The following SSH1 variants were observed in gnomAD, a reference collection of about 807,000 sequenced individuals.
SSH1 encodes slingshot protein phosphatase 1.
SSH1 carries 43 observed loss-of-function variants against 79.7 expected under a neutral mutation model. The ratio of observed to expected loss-of-function variants is 0.54; its 90% CI spans 0.42 to 0.70. SSH1 has a LOEUF of 0.70. Among genes scored for constraint, SSH1 ranks in the 30% least tolerant of loss-of-function variants. SSH1 has a pLI of 0.00. For synonymous variants in SSH1, 599 were observed against 538.3 expected, an observed-to-expected ratio of 1.11 and a Z score of -1.56; for missense variants, 1,206 against 1,358.8, an observed-to-expected ratio of 0.89 and a Z score of 1.77.
intron 2 of SSH1, among the ~76,000 whole-genome samples, chr12:108,846,990 G>C (rs899574739): frequency 2.0e-5 from 3 of 152,060 alleles, no homozygotes; most frequent in Admixed American, 1.3e-4. Context: ...TCGACCTCCT[G>C]GGTTCAAGTG....
rs140909191 is a variant in SSH1 at position 108,836,474 on chromosome 12, G to T, written c.111-13113C>A. 6.0e-3 allele frequency among the ~76,000 whole-genome samples: 916 copies of T among 152,302 alleles called. 6 individuals are homozygous for T. Among genetic ancestry groups the T allele is most frequent in the Non-Finnish European group, 9.3e-3 (632 of 68,040 alleles). ...GAAAGCAAGAAAGCACTTAAAGAAT[G>T]ATGTGGACATGTCAAAGGGACACAG... On this transcript the variant is annotated intron_variant, in intron 2 of 14. Coordinates refer to ENST00000326495, the MANE Select transcript of SSH1 (RefSeq NM_018984.4).
At position 108,806,316 on chromosome 12, in the gene SSH1, A is replaced by G. The variant is rs767181802; in HGVS notation, c.810T>C (p.Asn270=). 1.2e-6 allele frequency: 2 copies of G among 1,614,048 alleles called. No homozygotes were observed. Among genetic ancestry groups the G allele is most frequent in the Non-Finnish European group, 1.7e-6 (2 of 1,180,010 alleles). Residue 270 remains asparagine (N), a synonymous_variant, in exon 9 of 15, where the codon AAT becomes AAC. Coordinates refer to ENST00000326495, the MANE Select transcript of SSH1 (RefSeq NM_018984.4). ...GTTGTCTTACCTCTTTGGAAGTCAC[A>G]TTTTCTAGATCCTGGCTCATCATGA... ...RSIMMSQDLE[N]VTSKEIRNEL... is the part of the protein sequence containing the mutation.
rs1446794870 is a variant in SSH1 at position 108,792,695 on chromosome 12, A to G, written c.1484T>C (p.Leu495Ser). The G allele has an allele frequency of 2.4e-5, 38 of 1,613,042 alleles. No homozygotes were observed. The highest frequency in any genetic ancestry group is 3.2e-5 in the Non-Finnish European group (38 of 1,179,940). ...TAAGCCGGGCTGGGCGGCATCATCC[A>G]AGAAGGGCAGCTGGCTTTCCGGGGT... ...DGTPESQLPF[L>S]DDAAQPGLGP... is the part of the protein sequence containing the mutation. Residue 495 changes from leucine to serine, a missense_variant, in exon 14 of 15, where the codon TTG (leucine) becomes TCG (serine). Transcript: ENST00000326495.
At chr12:108,821,832 C>T (rs1051394199) in intron 3 of SSH1, among the ~76,000 whole-genome samples, 1 of 152,140 alleles carries the variant, frequency 6.6e-6, no homozygotes, top group Admixed American at 6.5e-5. Flanking sequence ...GAATTCTAAC[C>T]TGAGCACTCA....
At chr12:108,801,714 T>C (rs1410060017) in intron 11 of SSH1, among the ~76,000 whole-genome samples, 8 of 147,960 alleles carry the variant, frequency 5.4e-5, no homozygotes, top group Non-Finnish European at 1.2e-4. Context: ...CACAGAACGG[T>C]GATTTTGTGG....
chr12:108,788,146 G>C lies in SSH1; in HGVS notation c.2992C>G (p.Pro998Ala), dbSNP rs760117243. ...TCCTGGGAGTCAGCGACGGTGGACG[G>C]GTCAGCCTCACTGGACAGGTCTTCC... ...STEDLSSEAD[P>A]STVADSQDTT... Residue 998 changes from proline (P) to alanine (A), a missense_variant, in exon 15 of 15, where the codon CCG (proline) becomes GCG (alanine). By Grantham distance (27) the Pro-to-Ala change is conservative. This residue lies in a region of SSH1 where 709 missense variants were observed against 730.6 expected (regional missense o/e 0.97). Transcript: ENST00000326495. The C allele has an allele frequency of 5.0e-6, 8 of 1,614,000 alleles. No individual in the cohort carries two copies. Among genetic ancestry groups the C allele is most frequent in the Non-Finnish European group, 6.8e-6 (8 of 1,180,012 alleles).
At position 108,795,022 on chromosome 12, in the gene SSH1, T is replaced by G. The variant is rs550552027; in HGVS notation, c.1350-2193A>C. On this transcript the variant is annotated intron_variant, in intron 13 of 14. Transcript: ENST00000326495. ...AAGGCATACATGACTCTCTTCCCCC[T>G]ACCCCGCTTCACATGAAAATTGTGC... Among the ~76,000 whole-genome samples the G allele has an allele frequency of 1.8e-4, 27 of 152,312 alleles. No individual in the cohort carries two copies. The East Asian group carries it at 5.0e-3, about 28-fold the overall frequency.
rs1210131324 is a variant in SSH1 at position 108,807,508 on chromosome 12, T to C, written c.731+125A>G. 3 of 842,538 alleles carry C rather than the reference T, an allele frequency of 3.6e-6. No homozygotes were observed. In the African/African-American group the frequency reaches 5.0e-5, roughly 14 times the overall value. The allele number at this position is 842,538 out of a possible 1,614,324, so 52.2% of individuals were successfully genotyped here. A position where few individuals can be genotyped will look rare whatever the true frequency, so the allele number is the denominator to read the frequency against. On this transcript the variant is annotated intron_variant, in intron 8 of 14. Coordinates refer to ENST00000326495, the MANE Select transcript of SSH1 (RefSeq NM_018984.4). The surrounding 1 kb of genome is among the most constrained non-coding windows in gnomAD (Gnocchi z 5.2). ...ACGCTGGTTCTGAGAAAGCTAGGGT[T>C]CTCACTCAAGGGACTCCAGGGGAGG...
chr12:108,853,359 A>G, intron 1 of SSH1: 1 of 985,030 alleles, frequency 1.0e-6, no homozygotes, highest in Non-Finnish European at 1.2e-6. Flanking sequence ...TTTCTTTCAG[A>G]GAGCAAACTG....
intron 14 of SSH1, among the ~76,000 whole-genome samples, chr12:108,791,494 CAAGCGTGGTGACTCA>C (rs2036498225): frequency 6.6e-6 from 1 of 152,130 alleles, no homozygotes; most frequent in Admixed American, 6.6e-5. Flanking sequence ...TATCTGAGGC[CAAGCGTGGTGACTCA>C]AACCTGTAAT....
chr12:108,800,287 C>T lies in SSH1; in HGVS notation c.1148+493G>A, dbSNP rs185954187. Among the ~76,000 whole-genome samples, 114 of 152,270 alleles carry T rather than the reference C, an allele frequency of 7.5e-4. 1 individual carries two copies. Among genetic ancestry groups the T allele is most frequent in the African/African-American group, 2.6e-3 (110 of 41,564 alleles). On this transcript the variant is annotated intron_variant, in intron 12 of 14. Coordinates refer to ENST00000326495, the MANE Select transcript of SSH1 (RefSeq NM_018984.4). The stretch of plus-strand genomic sequence containing the variant: ...CAGTGGGGCTGGCCATGACCTCCAA[C>T]GTGCTGTCCTGTTTCATGCGACAGT...
intron 2 of SSH1, among the ~76,000 whole-genome samples, chr12:108,838,225 C>T (rs1233286854): frequency 6.6e-6 from 1 of 152,110 alleles, no homozygotes; most frequent in East Asian, 1.9e-4. Context: ...ATGACTTTGC[C>T]CTTTCATCTC....
At chr12:108,856,126 C>T (rs1403115477) in intron 1 of SSH1, among the ~76,000 whole-genome samples, 2 of 152,268 alleles carry the variant, frequency 1.3e-5, no homozygotes, top group Non-Finnish European at 2.9e-5. Flanking sequence ...CGCAGGGCCG[C>T]TCCTCCAGTC....
At chr12:108,826,321 C>G (rs1400908343) in intron 2 of SSH1, 1 of 354,362 alleles carries the variant, frequency 2.8e-6, no homozygotes, top group Non-Finnish European at 5.5e-6. Context: ...TCCTGCTCTA[C>G]GCATGAAGTC....
Position 108,792,660 on chromosome 12 carries a change from G to A in SSH1, c.1519C>T (p.Leu507Phe), listed in dbSNP as rs144450121. ...GAGAGTCGCCGGAAACAGCAGGGGA[G>A]GGGGGGCCCTAAGCCGGGCTGGGCG... ...DAAQPGLGPP[L>F]PCCFRRLSDP... Residue 507 changes from leucine (L) to phenylalanine (F), a missense_variant, in exon 14 of 15, where the codon CTC becomes TTC. Transcript: ENST00000326495. 6 of 1,611,326 alleles carry A rather than the reference G, an allele frequency of 3.7e-6. No homozygotes were observed. Among genetic ancestry groups the A allele is most frequent in the East Asian group, 2.2e-5 (1 of 44,886 alleles).
intron 13 of SSH1, among the ~76,000 whole-genome samples, chr12:108,794,656 A>G (rs1299142508): frequency 6.6e-6 from 1 of 152,236 alleles, no homozygotes; most frequent in African/African-American, 2.4e-5. Flanking sequence ...GCCAAAGGGA[A>G]AAGTCAAGCC....
At position 108,849,615 on chromosome 12, in the gene SSH1, C is replaced by T. The variant is rs541797776; in HGVS notation, c.110+3023G>A. Among the ~76,000 whole-genome samples the T allele has an allele frequency of 4.6e-5, 7 of 151,860 alleles. No individual in the cohort carries two copies. In the East Asian group the frequency reaches 1.4e-3, roughly 30 times the overall value. ...GTTAAATACTAATGAGAAAGGTCCACATACAAATTTTCATGTCACTGCTAT... is the reference window on the plus strand; with the variant it reads ...GTTAAATACTAATGAGAAAGGTCCATATACAAATTTTCATGTCACTGCTAT... On this transcript the variant is annotated intron_variant, in intron 2 of 14. Transcript: ENST00000326495.
chr12:108,809,868 C>CT (rs2037487956), intron 6 of SSH1, 110 bp from the exon 7 acceptor site: 2 of 887,968 alleles, frequency 2.3e-6, no homozygotes, highest in Admixed American at 1.8e-5. Context: ...GGAACAAGCA[C>CT]ATCTCAGGCC....
At position 108,782,016 on chromosome 12, in the gene SSH1, G is replaced by A. The variant is rs1005647015; in HGVS notation, c.*5972C>T. 1 of 151,890 alleles carries A rather than the reference G, an allele frequency of 6.6e-6. No individual in the cohort carries two copies. Among genetic ancestry groups the A allele is most frequent in the African/African-American group, 2.4e-5 (1 of 41,316 alleles). 9.4% of individuals were successfully genotyped at this position (151,890 alleles called of 1,614,324 possible). ...TGTAGTCCCAGCTACTGGGGAGGCT[G>A]AGGTGGGAGGATTGCTTGAGGCAGG... On this transcript the variant is annotated 3_prime_UTR_variant, in exon 15 of 15. Transcript: ENST00000326495.
Sources: allele counts gnomAD v4.1 joint callset (sites outside exome capture counted in the v4.1 genomes callset), GRCh38; gene constraint gnomAD v4.1.1; regional missense constraint gnomAD v4.1.1; non-coding constraint Gnocchi (gnomAD v3.1); transcripts MANE v1.5; gene names NCBI Gene and HGNC (gene_info 2026-07-23, HGNC 2026-07-21).